The following NUDT7 variants were observed in gnomAD, a reference collection of about 807,000 sequenced individuals.
The protein encoded by NUDT7 is nudix hydrolase 7, also known as peroxisomal coenzyme A diphosphatase NUDT7.
In NUDT7, 19 loss-of-function variants were observed where a neutral mutation model predicts 13.1. That is an observed-to-expected ratio of 1.45 (90% CI 1.01 to 2.13). NUDT7 has a LOEUF of 2.13. Among genes scored for constraint, NUDT7 ranks in the 30% most tolerant of loss-of-function variants. The pLI is 0.00. For missense variants in NUDT7, 360 were observed against 291.7 expected (o/e 1.23, Z -1.71); for synonymous variants, 132 against 109.7 (o/e 1.20, Z -1.27).
At chr16:77,738,851 A>T (rs1029869880) in intron 3 of NUDT7, among the ~76,000 whole-genome samples, 1 of 152,252 alleles carries the variant, frequency 6.6e-6, no homozygotes, top group African/African-American at 2.4e-5. Flanking sequence ...TATACCCAGG[A>T]GTATGAGCAA....
intron 2 of NUDT7, among the ~76,000 whole-genome samples, chr16:77,726,683 G>T (rs1040579652): frequency 1.3e-5 from 2 of 152,156 alleles, no homozygotes; most frequent in Admixed American, 1.3e-4. Context: ...TGTAATCCCA[G>T]CTACTCAGGA....
At chr16:77,730,801 C>G (rs887680786) in intron 2 of NUDT7, among the ~76,000 whole-genome samples, 1 of 151,950 alleles carries the variant, frequency 6.6e-6, no homozygotes, top group Non-Finnish European at 1.5e-5. Flanking sequence ...AATGGCCATT[C>G]TAAAAGGTGT....
chr16:77,735,709 C>A, intron 2 of NUDT7, 119 bp from the exon 3 acceptor site: 2 of 921,516 alleles, frequency 2.2e-6, no homozygotes, highest in South Asian at 1.7e-5. Context: ...GTCTTGATAC[C>A]ACCACCTGGG....
At chr16:77,740,633 C>T (rs1308034335) in intron 3 of NUDT7, among the ~76,000 whole-genome samples, 6 of 152,158 alleles carry the variant, frequency 3.9e-5, no homozygotes, top group East Asian at 1.9e-4. Flanking sequence ...AATCTATCTC[C>T]GCCTCCCAAG....
Position 77,741,881 on chromosome 16 carries a change from T to C in NUDT7, c.648T>C (p.Leu216=), listed in dbSNP as rs142347414. 9.6e-4 allele frequency: 1,551 copies of C among 1,614,072 alleles called. 11 individuals are homozygous for C. The African/African-American group carries it at 0.018, about 19-fold the overall frequency. ...CCACCTTTGAGGTTCAATTTAATCT[T>C]AATGATGTATTAGCATCCTCTGAAG... The part of the protein sequence containing the change: ...KKPTFEVQFN[L]NDVLASSEEL... The change falls in exon 4 of 4, where the codon CTT becomes CTC. Residue 216 remains leucine, a synonymous_variant. Transcript: ENST00000268533.
intron 2 of NUDT7, chr16:77,735,284 G>A: frequency 2.5e-6 from 1 of 406,928 alleles, no homozygotes; most frequent in Non-Finnish European, 4.3e-6. Context: ...GATCACGTGG[G>A]CGGATTTCCC....
intron 2 of NUDT7, among the ~76,000 whole-genome samples, chr16:77,732,502 A>T (rs752559744): frequency 2.0e-5 from 3 of 152,098 alleles, no homozygotes; most frequent in Non-Finnish European, 4.4e-5. Flanking sequence ...ATTTATGGTA[A>T]ATGCCCCATA....
chr16:77,727,042 G>A (rs576554925), intron 2 of NUDT7, among the ~76,000 whole-genome samples: 6 of 152,188 alleles, frequency 3.9e-5, no homozygotes, highest in African/African-American at 1.4e-4. Context: ...TCACTATCAT[G>A]GGGACAGTGC....
chr16:77,741,668 C>A lies in NUDT7; in HGVS notation c.435C>A (p.Phe145Leu). 1.2e-6 allele frequency: 2 copies of A among 1,614,160 alleles called. No homozygotes were observed. Among genetic ancestry groups the A allele is most frequent in the Non-Finnish European group, 1.7e-6 (2 of 1,180,026 alleles). ...ATCCTGCTGAAGTTAAGGATGTATT[C>A]CTGGTGCCTCTGGCCTATTTCCTGC... ...QPNPAEVKDVFLVPLAYFLHP... is the reference protein window; with the variant it reads ...QPNPAEVKDVLLVPLAYFLHP... Residue 145 changes from phenylalanine (F) to leucine (L), a missense_variant, in exon 4 of 4, where the codon TTC becomes TTA. Phe to Leu is a conservative substitution (Grantham distance 22). Coordinates refer to ENST00000268533, the MANE Select transcript of NUDT7 (RefSeq NM_001105663.3).
Position 77,742,013 on chromosome 16 carries a change from A to G in NUDT7, c.*63A>G. ...TTCTGTGTGTGCTTATTCGTAGAAC[A>G]ACAACAATGCCAGCTGTTGGAATTT... On this transcript the variant is annotated 3_prime_UTR_variant, in exon 4 of 4. Coordinates refer to ENST00000268533, the MANE Select transcript of NUDT7 (RefSeq NM_001105663.3). The G allele has an allele frequency of 6.6e-7, 1 of 1,504,180 alleles. No individual in the cohort carries two copies. Among genetic ancestry groups the G allele is most frequent in the Non-Finnish European group, 8.8e-7 (1 of 1,134,930 alleles). The allele number at this position is 1,504,180 out of a possible 1,614,324, so 93.2% of individuals were successfully genotyped here. A position where few individuals can be genotyped will look rare whatever the true frequency, so the allele number is the denominator to read the frequency against.
At chr16:77,724,815 T>C (rs2014078672) in intron 1 of NUDT7, among the ~76,000 whole-genome samples, 1 of 152,188 alleles carries the variant, frequency 6.6e-6, no homozygotes, top group African/African-American at 2.4e-5. Context: ...TGCTTGCATA[T>C]TATTGGGAAA....
intron 2 of NUDT7, among the ~76,000 whole-genome samples, chr16:77,733,996 A>C (rs1238513667): frequency 6.6e-6 from 1 of 152,164 alleles, no homozygotes; most frequent in Non-Finnish European, 1.5e-5. Context: ...AAAGGGGGTA[A>C]TTTTAGGATG....
rs530396604 is a variant in NUDT7, at chr16:77,728,648, G to A, written c.189+3064G>A. On this transcript the variant is annotated intron_variant, in intron 2 of 3. Transcript: ENST00000268533. ...TGAGCCTGAAAGAGATCTGTAAAAC[G>A]CCCAGCACGGCTGCTGGCATGCCAT... Among the ~76,000 whole-genome samples, 904 of 152,260 alleles carry A rather than the reference G, an allele frequency of 5.9e-3. 8 individuals are homozygous for A. The highest frequency in any genetic ancestry group is 0.012 in the South Asian group (57 of 4,820).
chr16:77,723,374 G>A lies in NUDT7; in HGVS notation c.35+757G>A, dbSNP rs308934. On this transcript the variant is annotated intron_variant, in intron 1 of 3. Coordinates refer to ENST00000268533, the MANE Select transcript of NUDT7 (RefSeq NM_001105663.3). The stretch of plus-strand genomic sequence containing the variant: ...ACACTGCCGTTACCCAACCACATCT[G>A]GTGAGCACCCTGCCACCTAGAAAGA... Among the ~76,000 whole-genome samples the A allele has an allele frequency of 5.7e-3, 862 of 151,930 alleles. 7 individuals carry two copies. Among genetic ancestry groups the A allele is most frequent in the African/African-American group, 0.02 (827 of 41,412 alleles).
intron 2 of NUDT7, among the ~76,000 whole-genome samples, chr16:77,729,768 T>G (rs10438623): frequency 0.47 from 71,818 of 152,020 alleles, 19,835 homozygotes; most frequent in South Asian, 0.62. Context: ...GAGGTTGCAG[T>G]GAACCGAGAT....
rs2014687378 is a variant in NUDT7 at position 77,742,105 on chromosome 16, A to G, written c.*155A>G. ...CTTGCCTCTTTTCCAGTTGCCTTCT[A>G]TTGTCTGAAAAAGTAAAAGCCATTC... On this transcript the variant is annotated 3_prime_UTR_variant, in exon 4 of 4. Transcript: ENST00000268533. 7.2e-7 allele frequency: 1 copy of G among 1,390,580 alleles called. No individual in the cohort carries two copies. The highest frequency in any genetic ancestry group is 9.3e-7 in the Non-Finnish European group (1 of 1,077,548). 86.1% of individuals were successfully genotyped at this position (1,390,580 alleles called of 1,614,324 possible).
Position 77,741,874 on chromosome 16 carries a change from T to A in NUDT7, c.641T>A (p.Phe214Tyr), listed in dbSNP as rs754036169. Residue 214 changes from phenylalanine (F) to tyrosine (Y), a missense_variant, in exon 4 of 4, where the codon TTT becomes TAT. Physicochemically the swap from Phe to Tyr is conservative, Grantham distance 22. Coordinates refer to ENST00000268533, the MANE Select transcript of NUDT7 (RefSeq NM_001105663.3). ...LEKKPTFEVQ[F>Y]NLNDVLASSE... ...AAAAAACCCACCTTTGAGGTTCAAT[T>A]TAATCTTAATGATGTATTAGCATCC... 1.9e-6 allele frequency: 3 copies of A among 1,613,992 alleles called. No individual in the cohort carries two copies. The highest frequency in any genetic ancestry group is 1.7e-6 in the Non-Finnish European group (2 of 1,180,020).
At chr16:77,723,435 C>T (rs1367185128) in intron 1 of NUDT7, among the ~76,000 whole-genome samples, 4 of 152,140 alleles carry the variant, frequency 2.6e-5, no homozygotes, top group African/African-American at 7.2e-5. Context: ...CAAACAACTG[C>T]TTATCTAATG....
intron 1 of NUDT7, among the ~76,000 whole-genome samples, 174 bp downstream of exon 1, chr16:77,722,791 T>A (rs2014001078): frequency 6.6e-6 from 1 of 152,172 alleles, no homozygotes; most frequent in Non-Finnish European, 1.5e-5. Context: ...CCCGAACCTT[T>A]GCACTGCTCT....
Sources: allele counts gnomAD v4.1 joint callset (sites outside exome capture counted in the v4.1 genomes callset), GRCh38; gene constraint gnomAD v4.1.1; transcripts MANE v1.5; gene names NCBI Gene and HGNC (gene_info 2026-07-23, HGNC 2026-07-21).